Variants in PIAS3 observed in about 807,000 individuals in gnomAD.
The protein encoded by PIAS3 is protein inhibitor of activated STAT 3.
A neutral mutation model predicts 67.6 loss-of-function variants in PIAS3; 34 were observed. The ratio of observed to expected loss-of-function variants is 0.50; its 90% CI spans 0.38 to 0.67. The LOEUF (loss-of-function observed/expected upper bound fraction) is 0.67, where lower values mean the gene tolerates loss of function less well. PIAS3 is among the 30% of genes least tolerant of loss of function. The probability of loss-of-function intolerance (pLI) is 0.00; values close to 1 mark genes in which losing one functional copy is unlikely to be tolerated. For missense variants in PIAS3, 693 were observed against 791.6 expected, an observed-to-expected ratio of 0.88 and a Z score of 1.49; for synonymous variants, 341 against 313.8, an observed-to-expected ratio of 1.09 and a Z score of -0.92.
In PIAS3 at chr1:145,849,424, A is replaced by G. The variant is rs1260248593; in HGVS notation, c.*22T>C. The G allele has an allele frequency of 3.4e-6, 5 of 1,478,706 alleles. No individual in the cohort carries two copies. The African/African-American group carries it at 7.1e-5, about 21-fold the overall frequency. 91.6% of individuals were successfully genotyped at this position (1,478,706 alleles called of 1,614,324 possible). The stretch of plus-strand genomic sequence containing the variant: ...ACTTGCTCAGTGTTGGGGGACAGCG[A>G]AGTTTCCATAATCCAGGGAACTCAG... On this transcript the variant is annotated 3_prime_UTR_variant, in exon 14 of 14. Coordinates refer to ENST00000393045, the MANE Select transcript of PIAS3 (RefSeq NM_006099.3).
chr1:145,851,106 T>G lies in PIAS3; in HGVS notation c.1193A>C (p.Gln398Pro). The stretch of plus-strand genomic sequence containing the variant: ...GCACCAGGATCCATCTTCCATGAAT[T>G]GGATCTCATCACAATCTGAACAGGA... ...LSSCSDCDEI[Q>P]FMEDGSWCPM... Residue 398 changes from glutamine (Q) to proline (P), a missense_variant, in exon 10 of 14, where the codon CAA becomes CCA. Physicochemically the swap from Gln to Pro is moderately conservative, Grantham distance 76. Around this residue, in one of 3 missense-constraint regions of PIAS3, gnomAD observed 115 missense variants for 181.8 expected, o/e 0.63. Transcript: ENST00000393045. 1 of 1,614,166 alleles carries G rather than the reference T, an allele frequency of 6.2e-7. No homozygotes were observed. Among genetic ancestry groups the G allele is most frequent in the Non-Finnish European group, 8.5e-7 (1 of 1,179,988 alleles).
rs1428787565 is a variant in PIAS3 at position 145,849,318 on chromosome 1, A to T, written c.*128T>A. ...GTCAGGCAGAGATGAGGCCAAAAGT[A>T]GGCATCTGTGAAGGTCTGTCTGGCC... On this transcript the variant is annotated 3_prime_UTR_variant, in exon 14 of 14. Transcript: ENST00000393045. 1.1e-6 allele frequency: 1 copy of T among 931,406 alleles called. No homozygotes were observed. The highest frequency in any genetic ancestry group is 1.5e-6 in the Non-Finnish European group (1 of 677,078). 57.7% of individuals were successfully genotyped at this position (931,406 alleles called of 1,614,324 possible). A position where few individuals can be genotyped will look rare whatever the true frequency, so the allele number is the denominator to read the frequency against.
At position 145,854,899 on chromosome 1, in the gene PIAS3, G is replaced by A; in HGVS notation, c.670-19C>T. 2 of 1,613,784 alleles carry A rather than the reference G, an allele frequency of 1.2e-6. No individual in the cohort carries two copies. Among genetic ancestry groups the A allele is most frequent in the Non-Finnish European group, 1.7e-6 (2 of 1,179,768 alleles). The stretch of plus-strand genomic sequence containing the variant: ...GGTAACCCTGGAGAAGGGAGGGATT[G>A]GTCAGTGGAGAAGTGGCTCTGGGAA... On this transcript the variant is annotated intron_variant, in intron 5 of 13. Coordinates refer to ENST00000393045, the MANE Select transcript of PIAS3 (RefSeq NM_006099.3).
Position 145,850,241 on chromosome 1 carries a change from T to TGTCTGAAGAAA in PIAS3, c.1600_1610dup (p.Glu538PhefsTer17), listed in dbSNP as rs1559162038. The TGTCTGAAGAAA allele has an allele frequency of 6.2e-7, 1 of 1,614,208 alleles. No homozygotes were observed. Among genetic ancestry groups the TGTCTGAAGAAA allele is most frequent in the East Asian group, 2.2e-5 (1 of 44,886 alleles). Reference sequence around the variant, plus strand: ...AGAAAGAACCACTTACCTGACTCTCTGTCTGAAGAAATGAAAATAAATCTA... The same window carrying TGTCTGAAGAAA: ...AGAAAGAACCACTTACCTGACTCTCTGTCTGAAGAAAGTCTGAAGAAATGAAAATAAATCTA... On this transcript the variant is annotated frameshift_variant, in exon 13 of 14. Transcript: ENST00000393045. LOFTEE classifies it high-confidence loss of function.
intron 9 of PIAS3, among the ~76,000 whole-genome samples, chr1:145,852,979 C>T (rs587637970): frequency 2.0e-4 from 30 of 152,138 alleles, no homozygotes; most frequent in African/African-American, 7.2e-4. Flanking sequence ...TGCCCTCCCC[C>T]TCCACACACA....
chr1:145,858,867 C>T, intron 1 of PIAS3, 100 bp downstream of exon 1: 2 of 1,120,122 alleles, frequency 1.8e-6, no homozygotes, highest in Non-Finnish European at 2.4e-6. Flanking sequence ...GCCACGTCGT[C>T]GGCGCCCACC....
rs587747579 is a variant in PIAS3 at position 145,850,544 on chromosome 1, G to C, written c.1491C>G (p.Ser497Arg). 8.7e-6 allele frequency: 14 copies of C among 1,614,238 alleles called. No individual in the cohort carries two copies. In the South Asian group the frequency reaches 1.5e-4, roughly 18 times the overall value. The change falls in exon 12 of 14, where the codon AGC (serine) becomes AGG (arginine). Residue 497 changes from serine to arginine, a missense_variant. This residue lies in a region of PIAS3 where 270 missense variants were observed against 261.0 expected (regional missense o/e 1.03). Transcript: ENST00000393045. ...CCCCACCCAACGTGCCCATAGCAGGGCTCCTTAGCACCGAGGATGGCTGGT... is the reference window on the plus strand; with the variant it reads ...CCCCACCCAACGTGCCCATAGCAGGCCTCCTTAGCACCGAGGATGGCTGGT... ...SGHQPSSVLR[S>R]PAMGTLGGDF...
Position 145,854,447 on chromosome 1 carries a change from A to C in PIAS3, c.910+11T>G, listed in dbSNP as rs782254158. ...AGATCAGGTGGGGAAGAGAGGAAAG[A>C]TGTTACTCACTCAGTGCCCGCGAGT... On this transcript the variant is annotated intron_variant, in intron 7 of 13. Transcript: ENST00000393045. 13 of 1,572,616 alleles carry C rather than the reference A, an allele frequency of 8.3e-6. No homozygotes were observed. The highest frequency in any genetic ancestry group is 6.7e-5 in the African/African-American group (5 of 74,106).
chr1:145,854,013 G>T, intron 7 of PIAS3, 127 bp from the exon 8 acceptor site: 1 of 720,228 alleles, frequency 1.4e-6, no homozygotes, highest in Non-Finnish European at 2.4e-6. Context: ...GGGGCCAGTG[G>T]GACGTCACAT....
In PIAS3 at chr1:145,851,011, G is replaced by A. The variant is rs782731478; in HGVS notation, c.1279+9C>T. On this transcript the variant is annotated intron_variant, in intron 10 of 13. Coordinates refer to ENST00000393045, the MANE Select transcript of PIAS3 (RefSeq NM_006099.3). The stretch of plus-strand genomic sequence containing the variant: ...ATTTAGCTTAGCTGGGGAACAGGGG[G>A]TCACTCACCATCCAGCCCATACCCT... 6.2e-7 allele frequency: 1 copy of A among 1,614,090 alleles called. No homozygotes were observed. The highest frequency in any genetic ancestry group is 1.3e-5 in the African/African-American group (1 of 74,932).
At position 145,849,345 on chromosome 1, in the gene PIAS3, T is replaced by G. The variant is rs1430442547; in HGVS notation, c.*101A>C. The G allele has an allele frequency of 1.3e-5, 17 of 1,274,738 alleles. No individual in the cohort carries two copies. The highest frequency in any genetic ancestry group is 1.7e-5 in the Non-Finnish European group (17 of 977,332). The allele number at this position is 1,274,738 out of a possible 1,614,324, so 79.0% of individuals were successfully genotyped here. A position where few individuals can be genotyped will look rare whatever the true frequency, so the allele number is the denominator to read the frequency against. ...GCATCTGTGAAGGTCTGTCTGGCCC[T>G]TGGCCAGAGCCCCCAGAGGGATCAG... is the stretch of plus-strand genomic sequence containing the variant. On this transcript the variant is annotated 3_prime_UTR_variant, in exon 14 of 14. Coordinates refer to ENST00000393045, the MANE Select transcript of PIAS3 (RefSeq NM_006099.3).
At chr1:145,855,962 A>T in intron 4 of PIAS3, 106 bp downstream of exon 4, 2 of 1,078,898 alleles carry the variant, frequency 1.9e-6, no homozygotes, top group South Asian at 2.5e-5. Context: ...GCAGGGCTGC[A>T]GTAGGCAGTG....
rs1306058825 is a variant in PIAS3 at position 145,849,241 on chromosome 1, C to A, written c.*205G>T. On this transcript the variant is annotated 3_prime_UTR_variant, in exon 14 of 14. Coordinates refer to ENST00000393045, the MANE Select transcript of PIAS3 (RefSeq NM_006099.3). ...TCTAAAGAACATTTCCAGAAACAGA[C>A]CCCAGTGTCCTTAAAAAGAGGTTAA... 2 of 419,868 alleles carry A rather than the reference C, an allele frequency of 4.8e-6. No homozygotes were observed. Among genetic ancestry groups the A allele is most frequent in the East Asian group, 3.6e-5 (1 of 28,112 alleles). 26.0% of individuals were successfully genotyped at this position (419,868 alleles called of 1,614,324 possible).
At chr1:145,852,982 C>CACACACATGCACAT (rs1653021128) in intron 9 of PIAS3, among the ~76,000 whole-genome samples, 1 of 152,018 alleles carries the variant, frequency 6.6e-6, no homozygotes, top group South Asian at 2.1e-4. Flanking sequence ...CCTCCCCCTC[C>CACACACATGCACAT]ACACACATGC....
intron 9 of PIAS3, 74 bp downstream of exon 9, chr1:145,853,424 GAAAAGA>G (rs200720835): frequency 1.2e-4 from 114 of 988,596 alleles, no homozygotes; most frequent in Admixed American, 2.2e-4. Context: ...AAAAAAAAAA[GAAAAGA>G]AAAAGAAAAA....
rs200143419 is a variant in PIAS3, at chr1:145,856,759, C to A, written c.272G>T (p.Gly91Val). 7.4e-6 allele frequency: 12 copies of A among 1,614,006 alleles called. No homozygotes were observed. The highest frequency in any genetic ancestry group is 3.3e-5 in the Admixed American group (2 of 60,004). Residue 91 changes from glycine (G) to valine (V), a missense_variant, in exon 2 of 14, where the codon GGT (glycine) becomes GTT (valine). Coordinates refer to ENST00000393045, the MANE Select transcript of PIAS3 (RefSeq NM_006099.3). The stretch of plus-strand genomic sequence containing the variant: ...CGTTGGGGGAATGGGAGCTAGAGGA[C>A]CAGGGGAGCCTACAGGAGAGGTGCC... ...PPGTSPVGSP[G>V]PLAPIPPTLL...
intron 9 of PIAS3, among the ~76,000 whole-genome samples, chr1:145,851,824 A>G (rs1265095967): frequency 5.3e-5 from 8 of 151,808 alleles, no homozygotes; most frequent in African/African-American, 1.5e-4. Context: ...GTGGCGGCAC[A>G]TGCCTGTAAT....
At chr1:145,857,999 C>G (rs1249860898) in intron 1 of PIAS3, among the ~76,000 whole-genome samples, 1 of 152,096 alleles carries the variant, frequency 6.6e-6, no homozygotes, top group Non-Finnish European at 1.5e-5. Context: ...GACCATAGCT[C>G]CCATTTCAAA....
At chr1:145,854,414 T>C (rs782585829) in intron 7 of PIAS3, 44 bp downstream of exon 7, 15 of 1,359,480 alleles carry the variant, frequency 1.1e-5, no homozygotes, top group Admixed American at 6.8e-5. Context: ...CCAGGAAGAC[T>C]TGAATCCAGA....
Sources: allele counts gnomAD v4.1 joint callset (sites outside exome capture counted in the v4.1 genomes callset), GRCh38; gene constraint gnomAD v4.1.1; regional missense constraint gnomAD v4.1.1; transcripts MANE v1.5; gene names NCBI Gene and HGNC (gene_info 2026-07-23, HGNC 2026-07-21).